TRIM37: variants seen among roughly 807,000 people sequenced by gnomAD.
The protein encoded by TRIM37 is tripartite motif containing 37, also known as E3 ubiquitin-protein ligase TRIM37.
TRIM37 carries 80 observed loss-of-function variants against 129.8 expected under a neutral mutation model. The observed-to-expected ratio is 0.62, with a 90% CI of 0.51 to 0.74. The LOEUF (loss-of-function observed/expected upper bound fraction) is 0.74, where lower values mean the gene tolerates loss of function less well. Ranked by LOEUF, TRIM37 falls within the 30% of genes least tolerant of loss-of-function variation. The pLI, the probability that TRIM37 is intolerant of heterozygous loss-of-function variation, is 0.00. For synonymous variants in TRIM37, 389 were observed against 387.1 expected (o/e 1.00, Z -0.06); for missense variants, 1,054 against 1,176.5 (o/e 0.90, Z 1.52).
At chr17:59,006,878 C>A (rs929720677) in intron 22 of TRIM37, among the ~76,000 whole-genome samples, 1 of 151,672 alleles carries the variant, frequency 6.6e-6, no homozygotes. Context: ...GACAGAGCAA[C>A]ACTCTGTCTC....
At chr17:59,101,665 AAAAAAAAAAAAAAT>A (rs1177959704) in intron 2 of TRIM37, among the ~76,000 whole-genome samples, 2 of 85,146 alleles carry the variant, frequency 2.3e-5, no homozygotes, top group Non-Finnish European at 4.8e-5. Flanking sequence ...CAAAAAAAAA[AAAAAAAAAAAAAAT>A]ATATATATAT....
chr17:59,043,454 G>A (rs1907444945), intron 16 of TRIM37, among the ~76,000 whole-genome samples: 1 of 152,174 alleles, frequency 6.6e-6, no homozygotes, highest in Admixed American at 6.6e-5. Context: ...TTCCTAACTT[G>A]GTGTTACAGA....
rs1031531488 is a variant in TRIM37, at chr17:59,079,809, C to T, written c.561G>A (p.Glu187=). 8 of 1,614,108 alleles carry T rather than the reference C, an allele frequency of 5.0e-6. No homozygotes were observed. Among genetic ancestry groups the T allele is most frequent in the Non-Finnish European group, 6.8e-6 (8 of 1,179,976 alleles). The part of the protein sequence containing the change: ...ERVREIRNAV[E]MMIARLDTQL... Reference sequence around the variant, plus strand: ...GTGTGTCTAACCGTGCAATCATCATCTCCACTGCATTCCTAATTTCCCGAA... The same window carrying T: ...GTGTGTCTAACCGTGCAATCATCATTTCCACTGCATTCCTAATTTCCCGAA... Residue 187 remains glutamate, a synonymous_variant, in exon 7 of 24, where the codon GAG becomes GAA. Coordinates refer to ENST00000262294, the MANE Select transcript of TRIM37 (RefSeq NM_015294.6).
At chr17:59,064,808 G>A (rs979577626) in intron 9 of TRIM37, among the ~76,000 whole-genome samples, 8 of 152,160 alleles carry the variant, frequency 5.3e-5, no homozygotes, top group Admixed American at 3.9e-4. Flanking sequence ...CTACTTGGGA[G>A]GCTGAGGCAC....
downstream of TRIM37, among the ~76,000 whole-genome samples, chr17:58,996,792 A>ATGTGTGTGTG (rs111408971): frequency 1.3e-5 from 1 of 79,328 alleles, no homozygotes; most frequent in African/African-American, 3.4e-5. Context: ...GTATATATAT[A>ATGTGTGTGTG]TGTGTGTGTG....
At chr17:58,990,164 G>C (rs940252244) in intron 24 of TRIM37, among the ~76,000 whole-genome samples, 1 of 78,454 alleles carries the variant, frequency 1.3e-5, no homozygotes, top group African/African-American at 5.2e-5. Context: ...GGGTGACAAA[G>C]CAAGACCTTG....
intron 20 of TRIM37, among the ~76,000 whole-genome samples, chr17:59,016,073 T>C (rs1347288714): frequency 5.9e-5 from 9 of 152,128 alleles, no homozygotes; most frequent in Admixed American, 5.9e-4. Context: ...AATCTCACTA[T>C]ATATATCATT....
At chr17:58,994,607 G>A (rs568366016), downstream of TRIM37, among the ~76,000 whole-genome samples, 50 of 152,260 alleles carry the variant, frequency 3.3e-4, no homozygotes, top group African/African-American at 1.1e-3. Flanking sequence ...TATCCAGGAG[G>A]ATGTGCACAG....
In TRIM37 at chr17:59,106,541, A is replaced by C; in HGVS notation, c.-80T>G. 6.4e-7 allele frequency: 1 copy of C among 1,569,370 alleles called. No homozygotes were observed. The highest frequency in any genetic ancestry group is 1.7e-5 in the Admixed American group (1 of 57,402). On this transcript the variant is annotated 5_prime_UTR_variant, in exon 1 of 24. Transcript: ENST00000262294. ...TCTTAGGCGCCGGCCCGAGGTCGCC[A>C]GATCAAATCGCCGATAAAAGCCCGG...
At chr17:59,017,257 T>G in intron 20 of TRIM37, 39 bp downstream of exon 20, 1 of 1,609,828 alleles carries the variant, frequency 6.2e-7, no homozygotes, top group South Asian at 1.1e-5. Context: ...AATAAATATT[T>G]ACCCCACTAA....
the TRIM37 span, among the ~76,000 whole-genome samples, chr17:58,974,179 CA>C: frequency 1.3e-5 from 2 of 152,150 alleles, no homozygotes; most frequent in Admixed American, 6.5e-5. Context: ...CATTTTGGGT[CA>C]AATCAGTATT....
intron 24 of TRIM37, chr17:58,983,093 CTCAGTGGGG>C: frequency 1.7e-6 from 1 of 575,650 alleles, no homozygotes; most frequent in Non-Finnish European, 3.0e-6. Flanking sequence ...GCTAGGCTTT[CTCAGTGGGG>C]AAAAAAATGG....
chr17:59,013,430 A>C (rs913535931), intron 21 of TRIM37, among the ~76,000 whole-genome samples: 2 of 151,596 alleles, frequency 1.3e-5, no homozygotes, highest in African/African-American at 4.9e-5. Context: ...TACAGGTGTG[A>C]GCCACCGTGC....
Position 59,061,207 on chromosome 17 carries a change from C to T in TRIM37, c.943-99G>A, listed in dbSNP as rs1245859777. ...ATCTAGATTGAGAAGTACTTCTAAGCCTCAAAGCAATGGAAGAAATAATTA... is the reference window on the plus strand; with the variant it reads ...ATCTAGATTGAGAAGTACTTCTAAGTCTCAAAGCAATGGAAGAAATAATTA... On this transcript the variant is annotated intron_variant, in intron 11 of 23. Coordinates refer to ENST00000262294, the MANE Select transcript of TRIM37 (RefSeq NM_015294.6). 7.7e-6 allele frequency: 7 copies of T among 911,134 alleles called. 1 individual carries two copies. Among genetic ancestry groups the T allele is most frequent in the South Asian group, 4.3e-5 (3 of 70,146 alleles). The allele number at this position is 911,134 out of a possible 1,614,324, so 56.4% of individuals were successfully genotyped here.
At chr17:59,038,913 T>G (rs1038430894) in intron 17 of TRIM37, among the ~76,000 whole-genome samples, 1 of 152,176 alleles carries the variant, frequency 6.6e-6, no homozygotes, top group Non-Finnish European at 1.5e-5. Context: ...TGCCAGATGC[T>G]GACTGACTCA....
At chr17:59,089,672 T>C (rs940003343) in intron 3 of TRIM37, among the ~76,000 whole-genome samples, 2 of 151,988 alleles carry the variant, frequency 1.3e-5, no homozygotes, top group African/African-American at 2.4e-5. Flanking sequence ...TTTCATCATA[T>C]AGCCACACTA....
chr17:59,106,648 C>A lies in TRIM37; in HGVS notation c.-187G>T. ...TCCAGCGCCGCCTACCCCCATTTCG[C>A]CATTTTTACCGGCGCGCCCGCCCCG... On this transcript the variant is annotated 5_prime_UTR_variant, in exon 1 of 24. Transcript: ENST00000262294. The A allele has an allele frequency of 1.5e-6, 1 of 679,588 alleles. No individual in the cohort carries two copies. Among genetic ancestry groups the A allele is most frequent in the South Asian group, 1.7e-5 (1 of 57,928 alleles). The allele number at this position is 679,588 out of a possible 1,614,324, so 42.1% of individuals were successfully genotyped here.
At chr17:58,973,052 A>C in the TRIM37 span, 1 of 609,400 alleles carries the variant, frequency 1.6e-6, no homozygotes, top group East Asian at 2.9e-5. Flanking sequence ...CTTTAAAATA[A>C]TAATTGGATA....
At chr17:59,025,427 T>TATATTATTAATATTCATGGATGA (rs2037136689) in intron 19 of TRIM37, among the ~76,000 whole-genome samples, 1 of 151,580 alleles carries the variant, frequency 6.6e-6, no homozygotes, top group African/African-American at 2.4e-5. Context: ...GAATGTTAAT[T>TATATTATTAATATTCATGGATGA]ATATTATTAA....
Sources: allele counts gnomAD v4.1 joint callset (sites outside exome capture counted in the v4.1 genomes callset), GRCh38; gene constraint gnomAD v4.1.1; transcripts MANE v1.5; gene names NCBI Gene and HGNC (gene_info 2026-07-23, HGNC 2026-07-21).